Variants in TAF4B observed in about 807,000 individuals in gnomAD.
The protein encoded by TAF4B is TATA-box binding protein associated factor 4b.
Under a neutral mutation model 86.4 loss-of-function variants are expected in TAF4B, and 38 were observed. The ratio of observed to expected loss-of-function variants is 0.44; its 90% CI spans 0.34 to 0.58. The LOEUF (loss-of-function observed/expected upper bound fraction) is 0.58. TAF4B is among the 20% of genes least tolerant of loss of function. TAF4B has a pLI of 0.02. For missense variants in TAF4B, 988 were observed against 1,027.6 expected (o/e 0.96, Z 0.53); for synonymous variants, 388 against 391.2 (o/e 0.99, Z 0.10).
chr18:26,363,915 C>G (rs2057350139), intron 14 of TAF4B, among the ~76,000 whole-genome samples: 1 of 152,058 alleles, frequency 6.6e-6, no homozygotes, highest in Non-Finnish European at 1.5e-5. Context: ...AGGGAGCACT[C>G]TCAGTTGGGA....
intron 14 of TAF4B, among the ~76,000 whole-genome samples, chr18:26,375,970 C>G (rs1285175244): frequency 6.6e-6 from 1 of 151,868 alleles, no homozygotes; most frequent in Non-Finnish European, 1.5e-5. Flanking sequence ...TTATTCTTTC[C>G]CCATTGTATG....
intron 1 of TAF4B, among the ~76,000 whole-genome samples, chr18:26,241,484 T>C (rs1051891541): frequency 2.0e-5 from 3 of 152,232 alleles, no homozygotes; most frequent in South Asian, 4.1e-4. Context: ...TTTTCTTCTT[T>C]ATTAGTCTTG....
chr18:26,234,544 T>C (rs2055719855), intron 1 of TAF4B, among the ~76,000 whole-genome samples: 1 of 152,232 alleles, frequency 6.6e-6, no homozygotes, highest in African/African-American at 2.4e-5. Context: ...TGCTGGTCCC[T>C]GGGGGAAGAG....
intron 5 of TAF4B, among the ~76,000 whole-genome samples, chr18:26,279,545 C>CAAAAAAAAAA (rs375937630): frequency 1.8e-5 from 2 of 113,534 alleles, no homozygotes; most frequent in Non-Finnish European, 2.0e-5. Flanking sequence ...CAATTAGAAG[C>CAAAAAAAAAA]AAAAAAAAAA....
intron 5 of TAF4B, among the ~76,000 whole-genome samples, chr18:26,276,534 C>T (rs962708757): frequency 6.6e-6 from 1 of 152,102 alleles, no homozygotes; most frequent in Non-Finnish European, 1.5e-5. Flanking sequence ...ACAGCAAAAA[C>T]AAGCATAGTT....
chr18:26,372,578 G>A (rs985025159), intron 14 of TAF4B, among the ~76,000 whole-genome samples: 4 of 152,092 alleles, frequency 2.6e-5, no homozygotes, highest in South Asian at 2.1e-4. Flanking sequence ...GTCTTATGAC[G>A]TATCAAGTCT....
chr18:26,302,371 ATTTTTT>A (rs66683595), intron 9 of TAF4B, among the ~76,000 whole-genome samples: 2 of 93,076 alleles, frequency 2.1e-5, no homozygotes, highest in African/African-American at 4.1e-5. Context: ...TTCATATTAA[ATTTTTT>A]TTTTTTTTTT....
intron 1 of TAF4B, among the ~76,000 whole-genome samples, chr18:26,229,317 T>A (rs2055626295): frequency 6.6e-6 from 1 of 152,112 alleles, no homozygotes; most frequent in African/African-American, 2.4e-5. Context: ...AAGTGGGGAT[T>A]TGCTTTTGGG....
At chr18:26,228,738 C>T (rs1366833348) in intron 1 of TAF4B, among the ~76,000 whole-genome samples, 1 of 152,044 alleles carries the variant, frequency 6.6e-6, no homozygotes, top group Non-Finnish European at 1.5e-5. Flanking sequence ...GCACTCCAGC[C>T]CAGGCAACAG....
At chr18:26,246,300 A>G (rs1043368341) in intron 1 of TAF4B, among the ~76,000 whole-genome samples, 8 of 152,204 alleles carry the variant, frequency 5.3e-5, no homozygotes, top group African/African-American at 2.4e-5. Context: ...GTTACCTTGT[A>G]GTAAACTAGG....
chr18:26,287,828 A>G (rs1244148061), intron 7 of TAF4B, among the ~76,000 whole-genome samples: 2 of 152,202 alleles, frequency 1.3e-5, no homozygotes, highest in African/African-American at 4.8e-5. Flanking sequence ...ACATAGAATG[A>G]AAGGGGTTGA....
chr18:26,315,108 C>CTG, intron 9 of TAF4B, 121 bp from the exon 10 acceptor site: 1 of 201,220 alleles, frequency 5.0e-6, no homozygotes, highest in Non-Finnish European at 7.9e-6. Flanking sequence ...CTCTCTCTCT[C>CTG]TCTCTCTCTC....
At chr18:26,302,371 A>ATTTTTTT (rs66683595) in intron 9 of TAF4B, among the ~76,000 whole-genome samples, 1,994 of 92,864 alleles carry the variant, frequency 0.021, 53 homozygotes, top group Non-Finnish European at 0.03. Flanking sequence ...TTCATATTAA[A>ATTTTTTT]TTTTTTTTTT....
At chr18:26,365,402 G>A (rs1181117764) in intron 14 of TAF4B, among the ~76,000 whole-genome samples, 2 of 152,190 alleles carry the variant, frequency 1.3e-5, no homozygotes, top group African/African-American at 4.8e-5. Context: ...AGAATTACAT[G>A]AATCTGATTT....
chr18:26,263,988 A>G (rs11662778), intron 1 of TAF4B, among the ~76,000 whole-genome samples: 3,665 of 152,324 alleles, frequency 0.024, 63 homozygotes, highest in Non-Finnish European at 0.038. Flanking sequence ...TGAAAGGTCT[A>G]CCCAAAAGAA....
chr18:26,353,679 T>G (rs952028052), intron 13 of TAF4B, among the ~76,000 whole-genome samples: 9 of 151,614 alleles, frequency 5.9e-5, no homozygotes, highest in African/African-American at 2.2e-4. Context: ...CTTCCAATGA[T>G]TAGGAAAAAG....
intron 9 of TAF4B, among the ~76,000 whole-genome samples, chr18:26,310,759 A>G (rs1160019606): frequency 6.6e-6 from 1 of 152,094 alleles, no homozygotes; most frequent in Non-Finnish European, 1.5e-5. Flanking sequence ...TATCCCCCCT[A>G]TTACCCAGGT....
At chr18:26,245,946 T>C (rs777451081) in intron 1 of TAF4B, among the ~76,000 whole-genome samples, 1 of 152,234 alleles carries the variant, frequency 6.6e-6, no homozygotes, top group African/African-American at 2.4e-5. Context: ...GTGATAAACA[T>C]CTTTGCATGT....
At chr18:26,359,201 C>G (rs2144735772) in intron 14 of TAF4B, among the ~76,000 whole-genome samples, 1 of 152,236 alleles carries the variant, frequency 6.6e-6, no homozygotes, top group East Asian at 1.9e-4. Flanking sequence ...TACTTCCATA[C>G]TTTTTAAGGG....
Sources: allele counts gnomAD v4.1 joint callset (sites outside exome capture counted in the v4.1 genomes callset), GRCh38; gene constraint gnomAD v4.1.1; transcripts MANE v1.5; gene names NCBI Gene and HGNC (gene_info 2026-07-23, HGNC 2026-07-21).